CERS4: variants seen among roughly 807,000 people sequenced by gnomAD.
CERS4 encodes LAG1 homolog, ceramide synthase 4.
In CERS4, 65 loss-of-function variants were observed where a neutral mutation model predicts 51.8. That is an observed-to-expected ratio of 1.26 (90% CI 1.03 to 1.54). The LOEUF (loss-of-function observed/expected upper bound fraction) is 1.54. CERS4 is among the 40% of genes most tolerant of loss of function. The pLI is 0.00. For synonymous variants in CERS4, 228 were observed against 208.4 expected (o/e 1.09, Z -0.81); for missense variants, 563 against 500.4 (o/e 1.13, Z -1.19).
intron 4 of CERS4, among the ~76,000 whole-genome samples, 171 bp downstream of exon 4, chr19:8,254,787 C>T (rs184924091): frequency 5.3e-5 from 8 of 152,140 alleles, no homozygotes; most frequent in African/African-American, 1.2e-4. Context: ...GGCTCTACCC[C>T]CCAGCCTCCC....
rs556478251 is a variant in CERS4, at chr19:8,261,986, G to A, written c.1062G>A (p.Ala354=). Residue 354 remains alanine, a synonymous_variant, in exon 12 of 12, where the codon GCG becomes GCA. Transcript: ENST00000251363. ...VEESDSSEEA[A]AAQEPLQLKN... The stretch of plus-strand genomic sequence containing the variant: ...AATCAGACTCCAGTGAGGAGGCGGC[G>A]GCGGCCCAGGAACCTCTGCAGCTAA... 28 of 1,597,370 alleles carry A rather than the reference G, an allele frequency of 1.8e-5. No homozygotes were observed. The East Asian group carries it at 2.5e-4, about 14-fold the overall frequency.
chr19:8,262,060 G>A lies in CERS4; in HGVS notation c.1136G>A (p.Arg379Gln), dbSNP rs17160349. 237,689 of 1,532,672 alleles carry A rather than the reference G, an allele frequency of 0.16. 19,096 individuals carry two copies. The highest frequency in any genetic ancestry group is 0.22 in the Admixed American group (10,046 of 45,032). 94.9% of individuals were successfully genotyped at this position (1,532,672 alleles called of 1,614,324 possible). A position where few individuals can be genotyped will look rare whatever the true frequency, so the allele number is the denominator to read the frequency against. The change falls in exon 12 of 12, where the codon CGG becomes CAG. Residue 379 changes from arginine (R) to glutamine (Q), a missense_variant. Coordinates refer to ENST00000251363, the MANE Select transcript of CERS4 (RefSeq NM_024552.3). Reference sequence around the variant, plus strand: ...AGGCCAGCCCCCACTGATGGCCCTCGGAGCCGGGTGGCCGGGCGTCTGACC... The same window carrying A: ...AGGCCAGCCCCCACTGATGGCCCTCAGAGCCGGGTGGCCGGGCGTCTGACC... ...GPRPAPTDGP[R>Q]SRVAGRLTNR... is the part of the protein sequence containing the mutation.
At position 8,262,004 on chromosome 19, in the gene CERS4, G is replaced by A. The variant is rs1293322959; in HGVS notation, c.1080G>A (p.Leu360=). ...AGGCGGCGGCGGCCCAGGAACCTCT[G>A]CAGCTAAAGAACGGGGCAGCTGGAG... ...SEEAAAAQEP[L]QLKNGAAGGP... The change falls in exon 12 of 12, where the codon CTG becomes CTA. Residue 360 remains leucine, a synonymous_variant. Transcript: ENST00000251363. 3 of 1,594,182 alleles carry A rather than the reference G, an allele frequency of 1.9e-6. No homozygotes were observed. In the South Asian group the frequency reaches 3.4e-5, roughly 18 times the overall value.
At chr19:8,256,421 G>T in intron 7 of CERS4, 135 bp downstream of exon 7, 1 of 1,079,946 alleles carries the variant, frequency 9.3e-7, no homozygotes, top group Non-Finnish European at 1.3e-6. Flanking sequence ...TGATTCCTCT[G>T]GGGAATAGAG....
In CERS4 at chr19:8,257,588, G is replaced by A. The variant is rs570331840; in HGVS notation, c.742-291G>A. Among the ~76,000 whole-genome samples the A allele has an allele frequency of 3.5e-4, 53 of 152,246 alleles. No homozygotes were observed. The East Asian group carries it at 9.9e-3, about 28-fold the overall frequency. On this transcript the variant is annotated intron_variant, in intron 9 of 11. Transcript: ENST00000251363. Reference sequence around the variant, plus strand: ...TGGGATTACAGGCACTTGCCACCATGCCAGCTAACTTTTGTATTTGTAGTA... The same window carrying A: ...TGGGATTACAGGCACTTGCCACCATACCAGCTAACTTTTGTATTTGTAGTA...
chr19:8,260,404 C>T (rs1347877890), intron 10 of CERS4, among the ~76,000 whole-genome samples: 1 of 145,848 alleles, frequency 6.9e-6, no homozygotes, highest in Non-Finnish European at 1.5e-5. Context: ...ATGGGGGTTT[C>T]ACCATGTTGG....
At chr19:8,222,657 C>A (rs777866584) in intron 2 of CERS4, among the ~76,000 whole-genome samples, 5 of 152,050 alleles carry the variant, frequency 3.3e-5, no homozygotes, top group Non-Finnish European at 7.4e-5. Context: ...CGCCACCACA[C>A]CTGGCTAATT....
At chr19:8,249,199 A>C (rs370987821) in intron 2 of CERS4, among the ~76,000 whole-genome samples, 1 of 130,426 alleles carries the variant, frequency 7.7e-6, no homozygotes, top group African/African-American at 2.9e-5. Context: ...GGATGGGTGG[A>C]TGGACGATGG....
chr19:8,254,883 C>CG (rs1555779519), intron 4 of CERS4, among the ~76,000 whole-genome samples: 7 of 152,028 alleles, frequency 4.6e-5, no homozygotes, highest in South Asian at 2.1e-4. Flanking sequence ...GGACCCCCCC[C>CG]TTCCCAGCCT....
chr19:8,242,601 A>G (rs999769101), intron 2 of CERS4, among the ~76,000 whole-genome samples: 3 of 152,152 alleles, frequency 2.0e-5, no homozygotes, highest in Admixed American at 2.0e-4. Flanking sequence ...GTGACAACTG[A>G]GCTGGGTTTT....
rs532822217 is a variant in CERS4 at position 8,232,121 on chromosome 19, C to CA, written c.-1-18954dup. 5.3e-3 allele frequency among the ~76,000 whole-genome samples: 800 copies of CA among 151,752 alleles called. 12 individuals are homozygous for CA. Among genetic ancestry groups the CA allele is most frequent in the South Asian group, 0.043 (208 of 4,792 alleles). ...GTGGAATTATAGGCATGAGTTACGA[C>CA]ACCCGGCCCTATCCTCTTAATCTTT... is the stretch of plus-strand genomic sequence containing the variant. On this transcript the variant is annotated intron_variant, in intron 2 of 11. Coordinates refer to ENST00000251363, the MANE Select transcript of CERS4 (RefSeq NM_024552.3).
intron 2 of CERS4, 33 bp from the exon 3 acceptor site, chr19:8,251,043 G>T (rs1273866498): frequency 1.4e-5 from 21 of 1,544,242 alleles, no homozygotes; most frequent in Non-Finnish European, 1.8e-5. Flanking sequence ...TCTGCTTGCA[G>T]ACCTCCCAGC....
At chr19:8,252,064 TAA>T (rs35675044) in intron 3 of CERS4, among the ~76,000 whole-genome samples, 70,738 of 148,546 alleles carry the variant, frequency 0.48, 16,993 homozygotes, top group South Asian at 0.57. Context: ...TCATCTCTAT[TAA>T]AAAAAAAAAA....
chr19:8,210,268 G>A lies in CERS4; in HGVS notation c.-158-438G>A, dbSNP rs912840193. On this transcript the variant is annotated intron_variant, in intron 1 of 11. Coordinates refer to ENST00000251363, the MANE Select transcript of CERS4 (RefSeq NM_024552.3). This position sits in a 1 kb window ranked among gnomAD's most constrained non-coding sequence, Gnocchi z 4.2. ...TAGGAGAGATGGGGATACTTGGAAGGGGGCTTCTGGCTTGACCTGGCTGGA... is the reference window on the plus strand; with the variant it reads ...TAGGAGAGATGGGGATACTTGGAAGAGGGCTTCTGGCTTGACCTGGCTGGA... 8.5e-5 allele frequency among the ~76,000 whole-genome samples: 13 copies of A among 152,180 alleles called. No homozygotes were observed. The highest frequency in any genetic ancestry group is 1.6e-4 in the Non-Finnish European group (11 of 68,030).
chr19:8,237,368 A>T (rs527698442), intron 2 of CERS4, among the ~76,000 whole-genome samples: 5 of 151,996 alleles, frequency 3.3e-5, no homozygotes, highest in Non-Finnish European at 7.4e-5. Flanking sequence ...CCTGGCCAAC[A>T]TTGTGAAACC....
intron 10 of CERS4, 195 bp from the exon 11 acceptor site, chr19:8,261,493 G>A: frequency 1.6e-6 from 1 of 615,962 alleles, no homozygotes. Context: ...TCGTGTGTGT[G>A]TTCTGCTCAT....
chr19:8,212,001 G>A (rs941446318), intron 2 of CERS4, among the ~76,000 whole-genome samples: 2 of 152,004 alleles, frequency 1.3e-5, no homozygotes, highest in Non-Finnish European at 2.9e-5. Flanking sequence ...CCTGGAGGAG[G>A]TGACAGTTGG....
chr19:8,251,701 G>A (rs1164326602), intron 3 of CERS4, among the ~76,000 whole-genome samples: 1 of 151,952 alleles, frequency 6.6e-6, no homozygotes, highest in African/African-American at 2.4e-5. Context: ...CTACTCAGGA[G>A]GCTGAGGCAG....
chr19:8,237,720 G>A (rs555513663), intron 2 of CERS4, among the ~76,000 whole-genome samples: 5 of 152,112 alleles, frequency 3.3e-5, no homozygotes, highest in African/African-American at 1.2e-4. Flanking sequence ...GCGTGGTGGT[G>A]GGCGCCTGTA....
Sources: allele counts gnomAD v4.1 joint callset (sites outside exome capture counted in the v4.1 genomes callset), GRCh38; gene constraint gnomAD v4.1.1; non-coding constraint Gnocchi (gnomAD v3.1); transcripts MANE v1.5; gene names NCBI Gene and HGNC (gene_info 2026-07-23, HGNC 2026-07-21).